PCDH15: variants seen among roughly 807,000 people sequenced by gnomAD.
PCDH15 encodes protocadherin related 15.
In PCDH15, 129 loss-of-function variants were observed where a neutral mutation model predicts 178.5. That is an observed-to-expected ratio of 0.72 (90% CI 0.63 to 0.84). PCDH15 has a LOEUF of 0.84. Among genes scored for constraint, PCDH15 ranks in the 40% least tolerant of loss-of-function variants. The pLI is 0.00. For missense variants in PCDH15, 2,230 were observed against 2,099.9 expected, an observed-to-expected ratio of 1.06 and a Z score of -1.21; for synonymous variants, 800 against 732.0, an observed-to-expected ratio of 1.09 and a Z score of -1.50.
chr10:53,920,797 T>A (rs1382155817), intron 25 of PCDH15, among the ~76,000 whole-genome samples: 2 of 152,136 alleles, frequency 1.3e-5, no homozygotes, highest in Non-Finnish European at 2.9e-5. Flanking sequence ...TGAAATAAAA[T>A]AAGAATTTTC....
intron 37 of PCDH15, chr10:53,809,055 C>A: frequency 1.2e-6 from 2 of 1,611,924 alleles, no homozygotes; most frequent in Non-Finnish European, 1.7e-6. Flanking sequence ...CAACCATGGG[C>A]CTTCTTCTTG....
intron 2 of PCDH15, among the ~76,000 whole-genome samples, chr10:55,445,071 A>G (rs1331084556): frequency 6.6e-6 from 1 of 152,142 alleles, no homozygotes; most frequent in Admixed American, 6.6e-5. Context: ...GAAACTCCCA[A>G]AAAAAGAAAG....
At chr10:55,560,764 T>C (rs541088372) in intron 2 of PCDH15, among the ~76,000 whole-genome samples, 1 of 152,040 alleles carries the variant, frequency 6.6e-6, no homozygotes, top group South Asian at 2.1e-4. Context: ...CTGCAAGCTG[T>C]ATTCCAGTGC....
At chr10:55,339,982 G>A (rs1844505868) in intron 2 of PCDH15, among the ~76,000 whole-genome samples, 1 of 150,458 alleles carries the variant, frequency 6.6e-6, no homozygotes, top group Admixed American at 6.6e-5. Flanking sequence ...GAAAGATAAA[G>A]AGACTGTCGT....
chr10:54,449,171 A>C (rs958536059), intron 3 of PCDH15, among the ~76,000 whole-genome samples: 1 of 151,768 alleles, frequency 6.6e-6, no homozygotes, highest in African/African-American at 2.4e-5. Flanking sequence ...TAAATACCAG[A>C]ACTCCACTGA....
chr10:54,479,939 CTT>C lies in PCDH15; in HGVS notation c.157+47871_157+47872del, dbSNP rs144815608. The stretch of plus-strand genomic sequence containing the variant: ...TAAGTACCCATCTCCAGAAAAAACT[CTT>C]GAGTCTGTTTTTAGTGATTTGATTT... On this transcript the variant is annotated intron_variant, in intron 3 of 37. Coordinates refer to ENST00000644397, the MANE Select transcript of PCDH15 (RefSeq NM_001384140.1). Among the ~76,000 whole-genome samples the C allele has an allele frequency of 1.4e-3, 206 of 152,154 alleles. 4 individuals carry two copies. The East Asian group carries it at 0.023, about 17-fold the overall frequency.
intron 3 of PCDH15, among the ~76,000 whole-genome samples, chr10:54,508,986 T>C (rs918376083): frequency 2.0e-5 from 3 of 152,132 alleles, no homozygotes; most frequent in Admixed American, 6.6e-5. Context: ...TTAAATGATA[T>C]TTTAAATAAT....
Position 54,965,637 on chromosome 10 carries a change from ATG to A in PCDH15, c.-79-68139_-79-68138del, listed in dbSNP as rs1448376322. ...TATATATATATATATATATATATAT[ATG>A]TTGGGTATATGTGGATTAGCTTGCT... On this transcript the variant is annotated intron_variant, in intron 2 of 5. Coordinates refer to the PCDH15 transcript ENST00000458638. 6.0e-3 allele frequency among the ~76,000 whole-genome samples: 800 copies of A among 133,654 alleles called. 4 individuals carry two copies. The highest frequency in any genetic ancestry group is 0.021 in the African/African-American group (751 of 36,202). 87.7% of individuals were successfully genotyped at this position (133,654 alleles called of 152,430 possible). A position where few individuals can be genotyped will look rare whatever the true frequency, so the allele number is the denominator to read the frequency against.
intron 28 of PCDH15, among the ~76,000 whole-genome samples, chr10:53,848,086 G>A (rs1229279027): frequency 1.3e-5 from 2 of 151,910 alleles, no homozygotes; most frequent in Admixed American, 1.3e-4. Context: ...ATAAATTGAA[G>A]AAAGTATAGA....
At chr10:54,788,392 T>A (rs1822259392) in intron 1 of PCDH15, among the ~76,000 whole-genome samples, 1 of 151,806 alleles carries the variant, frequency 6.6e-6, no homozygotes, top group Non-Finnish European at 1.5e-5. Flanking sequence ...AGACAGTTGG[T>A]TATGCAGGTC....
At chr10:55,185,542 T>G (rs1839774096) in intron 1 of PCDH15, among the ~76,000 whole-genome samples, 1 of 151,766 alleles carries the variant, frequency 6.6e-6, no homozygotes, top group South Asian at 2.1e-4. Flanking sequence ...TCAGTATATC[T>G]CTACAAAAAT....
intron 2 of PCDH15, among the ~76,000 whole-genome samples, chr10:55,431,973 A>C (rs1177719411): frequency 6.6e-6 from 1 of 152,100 alleles, no homozygotes; most frequent in Non-Finnish European, 1.5e-5. Flanking sequence ...AGATTGTAGT[A>C]AATAATACTG....
chr10:54,481,583 ACTAATCTAGAGGCTACT>A (rs1295991787), intron 3 of PCDH15, among the ~76,000 whole-genome samples: 1 of 151,802 alleles, frequency 6.6e-6, no homozygotes, highest in Non-Finnish European at 1.5e-5. Context: ...TTGGGGTCTC[ACTAATCTAGAGGCTACT>A]CTAATAGCTT....
intron 2 of PCDH15, among the ~76,000 whole-genome samples, chr10:54,566,842 A>T (rs2089122113): frequency 6.6e-6 from 1 of 152,148 alleles, no homozygotes; most frequent in South Asian, 2.1e-4. Context: ...TTCTTTGGGT[A>T]AATACCAAGG....
chr10:54,164,818 T>C (rs1258333124), intron 13 of PCDH15, among the ~76,000 whole-genome samples: 2 of 152,166 alleles, frequency 1.3e-5, no homozygotes, highest in Admixed American at 6.5e-5. Context: ...AGATATTATA[T>C]CTAAAGTTAC....
At chr10:54,344,284 A>G (rs149328445) in intron 6 of PCDH15, among the ~76,000 whole-genome samples, 38 of 152,244 alleles carry the variant, frequency 2.5e-4, no homozygotes, top group African/African-American at 8.9e-4. Flanking sequence ...TGTAATTTTG[A>G]AAATGCATGT....
At chr10:55,331,631 A>G (rs1335714683) in intron 2 of PCDH15, among the ~76,000 whole-genome samples, 2 of 152,034 alleles carry the variant, frequency 1.3e-5, no homozygotes, top group African/African-American at 4.8e-5. Context: ...ACAGCCATGA[A>G]GCTCTCATTG....
intron 2 of PCDH15, among the ~76,000 whole-genome samples, chr10:54,957,036 G>C (rs1287115254): frequency 6.6e-6 from 1 of 151,604 alleles, no homozygotes; most frequent in African/African-American, 2.4e-5. Context: ...CCTGTACTGA[G>C]TTATAAGACT....
At chr10:55,575,937 T>A (rs1420290206) in intron 2 of PCDH15, among the ~76,000 whole-genome samples, 1 of 152,206 alleles carries the variant, frequency 6.6e-6, no homozygotes, top group Non-Finnish European at 1.5e-5. Context: ...TCTTTACCAA[T>A]TAACATGCTC....
Sources: allele counts gnomAD v4.1 joint callset (sites outside exome capture counted in the v4.1 genomes callset), GRCh38; gene constraint gnomAD v4.1.1; transcripts MANE v1.5; gene names NCBI Gene and HGNC (gene_info 2026-07-23, HGNC 2026-07-21).